The following TMEM163 variants were observed in gnomAD, a reference collection of about 807,000 sequenced individuals.
The protein encoded by TMEM163 is transmembrane protein 163.
Under a neutral mutation model 29.3 loss-of-function variants are expected in TMEM163, and 17 were observed. The ratio of observed to expected loss-of-function variants is 0.58; its 90% confidence interval spans 0.40 to 0.87. The LOEUF is 0.87. Among genes scored for constraint, TMEM163 ranks in the 40% least tolerant of loss-of-function variants. The pLI, the probability that TMEM163 is intolerant of heterozygous loss-of-function variation, is 0.00. For missense variants in TMEM163, 303 were observed against 381.5 expected, an observed-to-expected ratio of 0.79 and a Z score of 1.71; for synonymous variants, 157 against 160.6, an observed-to-expected ratio of 0.98 and a Z score of 0.17.
chr2:134,519,957 G>T (rs549645074), intron 4 of TMEM163, among the ~76,000 whole-genome samples: 21 of 151,940 alleles, frequency 1.4e-4, no homozygotes, highest in Non-Finnish European at 2.9e-4. Context: ...GAATGTGGGG[G>T]AGGGAGGCAA....
At chr2:134,645,719 A>T (rs187507159) in intron 2 of TMEM163, among the ~76,000 whole-genome samples, 1 of 152,340 alleles carries the variant, frequency 6.6e-6, no homozygotes, top group East Asian at 1.9e-4. Context: ...CAATCTCAAA[A>T]GGTTATATAC....
chr2:134,700,935 TAAATAAA>T (rs1574349886), intron 2 of TMEM163, among the ~76,000 whole-genome samples: 2 of 145,016 alleles, frequency 1.4e-5, no homozygotes, highest in African/African-American at 2.6e-5. Context: ...AATAAATAAA[TAAATAAA>T]TAAATAAAGT....
chr2:134,508,397 T>C (rs1679873707), intron 4 of TMEM163, among the ~76,000 whole-genome samples: 2 of 152,220 alleles, frequency 1.3e-5, no homozygotes, highest in South Asian at 2.1e-4. Context: ...AAGCAAATAA[T>C]GAAAAATAAA....
chr2:134,699,185 A>G (rs1316337339), intron 2 of TMEM163, among the ~76,000 whole-genome samples: 8 of 152,222 alleles, frequency 5.3e-5, no homozygotes, highest in Admixed American at 2.0e-4. Flanking sequence ...AGTACAAAAA[A>G]TCACGTAGCG....
intron 6 of TMEM163, 44 bp downstream of exon 6, chr2:134,466,070 T>A (rs761034437): frequency 4.8e-6 from 7 of 1,449,498 alleles, no homozygotes; most frequent in Non-Finnish European, 6.7e-6. Flanking sequence ...CTTCCTCCAC[T>A]GTGAGCCCAG....
At chr2:134,629,450 T>A (rs1218581267) in intron 2 of TMEM163, among the ~76,000 whole-genome samples, 2 of 152,226 alleles carry the variant, frequency 1.3e-5, no homozygotes, top group Admixed American at 6.5e-5. Context: ...ATTAATATAT[T>A]AATGATATAA....
At chr2:134,509,312 T>C (rs969051043) in intron 4 of TMEM163, among the ~76,000 whole-genome samples, 1 of 152,180 alleles carries the variant, frequency 6.6e-6, no homozygotes, top group Non-Finnish European at 1.5e-5. Context: ...GTTCTAAAGG[T>C]TGGGCTGAAA....
In TMEM163 at chr2:134,656,545, T is replaced by C. The variant is rs144768492; in HGVS notation, c.322+56655A>G. On this transcript the variant is annotated intron_variant, in intron 2 of 7. Coordinates refer to ENST00000281924, the MANE Select transcript of TMEM163 (RefSeq NM_030923.5). ...CGCTGGGAGCTGTAGACCGGAGCTG[T>C]TCCTATTCGGCCATCTTGGCTCCTC... 6.5e-3 allele frequency among the ~76,000 whole-genome samples: 985 copies of C among 152,288 alleles called. 12 individuals carry two copies. Among genetic ancestry groups the C allele is most frequent in the African/African-American group, 0.023 (947 of 41,556 alleles).
intron 2 of TMEM163, among the ~76,000 whole-genome samples, chr2:134,568,608 G>A (rs1367240977): frequency 8.2e-6 from 1 of 122,104 alleles, no homozygotes; most frequent in African/African-American, 3.1e-5. Context: ...AGGAAAGAAA[G>A]AAGGAAAAGA....
intron 5 of TMEM163, among the ~76,000 whole-genome samples, chr2:134,477,152 T>C (rs1260261258): frequency 6.6e-6 from 1 of 152,220 alleles, no homozygotes. Flanking sequence ...GCTCATTTGT[T>C]GTCCGGCACG....
chr2:134,614,230 T>G (rs1258036809), intron 2 of TMEM163, among the ~76,000 whole-genome samples: 3 of 152,052 alleles, frequency 2.0e-5, no homozygotes, highest in African/African-American at 4.8e-5. Flanking sequence ...AAAGGGACAG[T>G]TTTTTCAACA....
At chr2:134,504,098 C>T (rs78734485) in intron 4 of TMEM163, among the ~76,000 whole-genome samples, 5 of 152,252 alleles carry the variant, frequency 3.3e-5, no homozygotes, top group African/African-American at 1.2e-4. Context: ...ACCGTGGAGT[C>T]CCTTCTCTAG....
chr2:134,713,396 C>T (rs947593579), intron 1 of TMEM163, 77 bp from the exon 2 acceptor site: 23 of 1,591,198 alleles, frequency 1.4e-5, no homozygotes, highest in Non-Finnish European at 1.6e-5. Flanking sequence ...AATTTCTTAC[C>T]CAAAGATTGC....
chr2:134,472,117 C>G (rs1394019723), intron 5 of TMEM163, among the ~76,000 whole-genome samples: 1 of 152,218 alleles, frequency 6.6e-6, no homozygotes. Flanking sequence ...AAGGTAAACT[C>G]CACATAAATT....
chr2:134,689,570 A>C (rs758957004), intron 2 of TMEM163, among the ~76,000 whole-genome samples: 2 of 152,178 alleles, frequency 1.3e-5, no homozygotes, highest in Non-Finnish European at 2.9e-5. Flanking sequence ...CACTCAAAGG[A>C]ACTCAGAGGT....
chr2:134,625,463 G>A lies in TMEM163; in HGVS notation c.323-73372C>T, dbSNP rs376181269. ...ATGTATTGCTTTCCATCAGGGAGAG[G>A]AGCGGATTTGTGAAAACAAGTCATA... On this transcript the variant is annotated intron_variant, in intron 2 of 7. Coordinates refer to ENST00000281924, the MANE Select transcript of TMEM163 (RefSeq NM_030923.5). 2.7e-4 allele frequency among the ~76,000 whole-genome samples: 41 copies of A among 152,294 alleles called. No individual in the cohort carries two copies. The East Asian group carries it at 3.7e-3, about 14-fold the overall frequency.
intron 2 of TMEM163, among the ~76,000 whole-genome samples, chr2:134,580,696 G>C (rs941875148): frequency 6.6e-6 from 1 of 152,170 alleles, no homozygotes; most frequent in African/African-American, 2.4e-5. Context: ...TGGATCACTT[G>C]AGGTCAGCAG....
chr2:134,686,832 A>G (rs1296801503), intron 2 of TMEM163, among the ~76,000 whole-genome samples: 2 of 152,174 alleles, frequency 1.3e-5, no homozygotes, highest in Admixed American at 1.3e-4. Context: ...AGGGCGATTT[A>G]TTACTCACAG....
intron 2 of TMEM163, among the ~76,000 whole-genome samples, chr2:134,698,198 AG>A (rs1377510486): frequency 1.3e-5 from 2 of 152,336 alleles, no homozygotes; most frequent in African/African-American, 4.8e-5. Flanking sequence ...GACAAACAGA[AG>A]TGTCTCTTGA....
Sources: gnomAD v4.1 joint callset for allele counts (sites outside exome capture counted in the v4.1 genomes callset) on GRCh38, gnomAD v4.1.1 for gene constraint, MANE v1.5 for transcripts, NCBI Gene and HGNC (gene_info 2026-07-23, HGNC 2026-07-21) for gene names.